The following EPHX2 variants were observed in gnomAD, a reference collection of about 807,000 sequenced individuals.
EPHX2 encodes epoxide hydrolase 2.
In EPHX2, 74 loss-of-function variants were observed where a neutral mutation model predicts 78.7. That is an observed-to-expected ratio of 0.94 (90% confidence interval 0.78 to 1.14). EPHX2 has a LOEUF of 1.14. Ranked by LOEUF, EPHX2 falls within the 50% of genes most tolerant of loss-of-function variation. The pLI, the probability that EPHX2 is intolerant of heterozygous loss-of-function variation, is 0.00. For missense variants in EPHX2, 715 were observed against 702.5 expected, an observed-to-expected ratio of 1.02 and a Z score of -0.20; for synonymous variants, 251 against 255.2, an observed-to-expected ratio of 0.98 and a Z score of 0.16.
At chr8:27,512,925 G>A (rs951105764) in intron 6 of EPHX2, among the ~76,000 whole-genome samples, 1 of 152,170 alleles carries the variant, frequency 6.6e-6, no homozygotes, top group Non-Finnish European at 1.5e-5. Flanking sequence ...CAACAGCCAC[G>A]TACTCCATAA....
Position 27,544,624 on chromosome 8 carries a change from G to A in EPHX2, c.*102G>A. The stretch of plus-strand genomic sequence containing the variant: ...GGCCTTACACACATCTTGCATGGAT[G>A]GCAGCATTGTTCTGAAGGGGTTTGC... On this transcript the variant is annotated 3_prime_UTR_variant, in exon 19 of 19. Transcript: ENST00000521400. The A allele has an allele frequency of 8.6e-7, 1 of 1,166,878 alleles. No homozygotes were observed. The highest frequency in any genetic ancestry group is 1.3e-6 in the Non-Finnish European group (1 of 782,254). The allele number at this position is 1,166,878 out of a possible 1,614,324, so 72.3% of individuals were successfully genotyped here. A position where few individuals can be genotyped will look rare whatever the true frequency, so the allele number is the denominator to read the frequency against.
chr8:27,537,000 T>C, intron 13 of EPHX2, 145 bp downstream of exon 13: 1 of 752,282 alleles, frequency 1.3e-6, no homozygotes, highest in Non-Finnish European at 2.1e-6. Context: ...GTCCTCACTC[T>C]ACTGGGAAAA....
chr8:27,520,769 G>A, intron 9 of EPHX2, 114 bp from the exon 10 acceptor site: 3 of 1,248,130 alleles, frequency 2.4e-6, no homozygotes, highest in Admixed American at 3.4e-5. Context: ...CTGAGGCCCT[G>A]GGGGTTAGGA....
intron 1 of EPHX2, among the ~76,000 whole-genome samples, chr8:27,493,482 G>T (rs931147506): frequency 2.6e-5 from 4 of 152,234 alleles, no homozygotes; most frequent in Non-Finnish European, 5.9e-5. Context: ...AACTGTCTGA[G>T]AAATCCTTTG....
intron 14 of EPHX2, among the ~76,000 whole-genome samples, chr8:27,539,848 A>G (rs1323339282): frequency 6.6e-6 from 1 of 152,198 alleles, no homozygotes; most frequent in East Asian, 1.9e-4. Flanking sequence ...GTGTCTCACA[A>G]AAGCCTGGAA....
chr8:27,519,150 A>G (rs1453604212), intron 9 of EPHX2, among the ~76,000 whole-genome samples: 1 of 152,232 alleles, frequency 6.6e-6, no homozygotes, highest in Non-Finnish European at 1.5e-5. Flanking sequence ...TAGGTCCACA[A>G]AGATACCCAG....
intron 1 of EPHX2, among the ~76,000 whole-genome samples, chr8:27,493,567 C>G (rs1813464704): frequency 2.0e-5 from 3 of 152,072 alleles, no homozygotes; most frequent in Admixed American, 2.0e-4. Context: ...CATTCCTAGC[C>G]CTATAAGTAG....
At chr8:27,531,140 T>C (rs957194318) in intron 12 of EPHX2, among the ~76,000 whole-genome samples, 2 of 152,196 alleles carry the variant, frequency 1.3e-5, no homozygotes, top group African/African-American at 4.8e-5. Context: ...GGCAGTGTTG[T>C]GTTAGGTTGT....
At chr8:27,520,225 G>T (rs1250564317) in intron 9 of EPHX2, among the ~76,000 whole-genome samples, 4 of 151,314 alleles carry the variant, frequency 2.6e-5, no homozygotes, top group Non-Finnish European at 4.4e-5. Context: ...GAGTGCAGTG[G>T]TGCGATCTCA....
chr8:27,506,799 C>T, intron 4 of EPHX2, 73 bp from the exon 5 acceptor site: 2 of 1,559,062 alleles, frequency 1.3e-6, no homozygotes, highest in Non-Finnish European at 1.7e-6. Context: ...TTAATCTCCT[C>T]ATCATAAAAT....
At chr8:27,502,171 T>C (rs990592959) in intron 2 of EPHX2, among the ~76,000 whole-genome samples, 3 of 152,240 alleles carry the variant, frequency 2.0e-5, no homozygotes, top group African/African-American at 4.8e-5. Context: ...TTTTGGACTT[T>C]ATGTAAATGG....
intron 8 of EPHX2, 64 bp downstream of exon 8, chr8:27,516,462 C>A: frequency 6.9e-6 from 10 of 1,449,054 alleles, no homozygotes; most frequent in Non-Finnish European, 9.7e-6. Context: ...GAGCGCTCCA[C>A]GCCTCGGTGC....
chr8:27,519,952 A>C (rs1230908483), intron 9 of EPHX2, among the ~76,000 whole-genome samples: 4 of 149,632 alleles, frequency 2.7e-5, no homozygotes, highest in Non-Finnish European at 4.4e-5. Context: ...CTGTGTCCTC[A>C]CGTGCTCGTC....
chr8:27,503,548 C>G, intron 2 of EPHX2, 56 bp from the exon 3 acceptor site: 1 of 1,539,100 alleles, frequency 6.5e-7, no homozygotes, highest in South Asian at 1.2e-5. Flanking sequence ...TTAGTAGACC[C>G]TGCCAGAGCT....
At chr8:27,515,690 G>A (rs1171273790) in intron 6 of EPHX2, 28 bp from the exon 7 acceptor site, 8 of 1,603,368 alleles carry the variant, frequency 5.0e-6, no homozygotes, top group African/African-American at 1.3e-5. Flanking sequence ...GTGCTTGGTC[G>A]CTGCCCTCTC....
At chr8:27,515,890 T>A (rs1814432163) in intron 7 of EPHX2, 77 bp downstream of exon 7, 1 of 1,290,842 alleles carries the variant, frequency 7.7e-7, no homozygotes, top group African/African-American at 1.5e-5. Context: ...ACGTGGACTG[T>A]CGTGAGGAAG....
intron 12 of EPHX2, among the ~76,000 whole-genome samples, chr8:27,530,211 C>T (rs34771389): frequency 1.3e-5 from 2 of 152,066 alleles, no homozygotes; most frequent in African/African-American, 2.4e-5. Flanking sequence ...TTCTTAATCT[C>T]TAGAACACAG....
intron 16 of EPHX2, 27 bp from the exon 17 acceptor site, chr8:27,543,722 C>T: frequency 6.2e-7 from 1 of 1,612,664 alleles, no homozygotes. Context: ...GAGTGCTGGC[C>T]ACTTCTGTTT....
chr8:27,537,608 T>C (rs1281452268), intron 13 of EPHX2, among the ~76,000 whole-genome samples: 1 of 152,204 alleles, frequency 6.6e-6, no homozygotes, highest in Admixed American at 6.5e-5. Context: ...AAGTTTTAAT[T>C]TCAATAAATA....
Sources: gnomAD v4.1 joint callset for allele counts (sites outside exome capture counted in the v4.1 genomes callset) on GRCh38, gnomAD v4.1.1 for gene constraint, MANE v1.5 for transcripts, NCBI Gene and HGNC (gene_info 2026-07-23, HGNC 2026-07-21) for gene names.